The following SKIC3 variants were observed in gnomAD, a reference collection of about 807,000 sequenced individuals.
The protein encoded by SKIC3 is SKI3 subunit of superkiller complex.
chr5:95,495,082 G>T, the SKIC3 span: 1 of 1,508,322 alleles, frequency 6.6e-7, no homozygotes, highest in Non-Finnish European at 9.2e-7. Flanking sequence ...AAAAAATTAA[G>T]ATTGATAAGA....
chr5:95,526,260 T>C, the SKIC3 span, among the ~76,000 whole-genome samples: 3 of 152,116 alleles, frequency 2.0e-5, no homozygotes, highest in African/African-American at 4.8e-5. Context: ...CTTTTTTTTT[T>C]CTTCCTTACA....
At chr5:95,495,448 A>G in the SKIC3 span, 2 of 165,894 alleles carry the variant, frequency 1.2e-5, no homozygotes, top group African/African-American at 4.8e-5. Context: ...TTGCTTCAAT[A>G]ATCAACTCAA....
chr5:95,473,726 G>C, the SKIC3 span, among the ~76,000 whole-genome samples: 1 of 152,246 alleles, frequency 6.6e-6, no homozygotes, highest in South Asian at 2.1e-4. Flanking sequence ...TTTGAGAAGT[G>C]TTTGTTAATG....
At chr5:95,534,701 C>T in the SKIC3 span, among the ~76,000 whole-genome samples, 3 of 152,060 alleles carry the variant, frequency 2.0e-5, no homozygotes, top group Non-Finnish European at 4.4e-5. Context: ...CCTTCACTTA[C>T]TCCCTTTCTC....
the SKIC3 span, among the ~76,000 whole-genome samples, chr5:95,504,305 C>T: frequency 6.7e-6 from 1 of 149,738 alleles, no homozygotes; most frequent in African/African-American, 2.5e-5. Context: ...CACTGCACTC[C>T]AGCCTGGGCA....
the SKIC3 span, chr5:95,520,890 GTTA>G: frequency 1.8e-6 from 2 of 1,088,656 alleles, no homozygotes; most frequent in South Asian, 2.6e-5. Flanking sequence ...TTCAAATAAA[GTTA>G]TTGGTGTTAT....
the SKIC3 span, chr5:95,498,585 G>C: frequency 6.2e-7 from 1 of 1,611,172 alleles, no homozygotes; most frequent in Non-Finnish European, 8.5e-7. Flanking sequence ...GTTCCTTTAA[G>C]ATAGAGCTGT....
At chr5:95,516,634 A>C in the SKIC3 span, 1 of 1,613,258 alleles carries the variant, frequency 6.2e-7, no homozygotes. Context: ...TGAAATACAC[A>C]ATCTTCTAAA....
the SKIC3 span, among the ~76,000 whole-genome samples, chr5:95,543,822 T>G: frequency 6.6e-6 from 1 of 152,178 alleles, no homozygotes; most frequent in African/African-American, 2.4e-5. Flanking sequence ...CCAAATATGT[T>G]CAAAATAAAT....
chr5:95,545,905 A>C, the SKIC3 span, among the ~76,000 whole-genome samples: 1 of 152,142 alleles, frequency 6.6e-6, no homozygotes, highest in Admixed American at 6.5e-5. Flanking sequence ...TCACCCATCC[A>C]AAATCTGAAT....
At chr5:95,535,557 G>T in the SKIC3 span, among the ~76,000 whole-genome samples, 1 of 151,736 alleles carries the variant, frequency 6.6e-6, no homozygotes, top group Admixed American at 6.6e-5. Context: ...TGATCCGCCT[G>T]CCTCGGCCTC....
the SKIC3 span, chr5:95,503,996 C>G: frequency 6.4e-7 from 1 of 1,569,932 alleles, no homozygotes; most frequent in Non-Finnish European, 8.7e-7. Context: ...TGTGTATCAT[C>G]AAAATACTGA....
the SKIC3 span, among the ~76,000 whole-genome samples, chr5:95,499,666 ACT>A: frequency 2.6e-5 from 4 of 152,078 alleles, no homozygotes; most frequent in African/African-American, 9.7e-5. Context: ...AATAAAAAAA[ACT>A]CTTCAATTAA....
chr5:95,468,580 C>T, the SKIC3 span, among the ~76,000 whole-genome samples: 1 of 152,080 alleles, frequency 6.6e-6, no homozygotes, highest in Admixed American at 6.6e-5. Context: ...TCTATGACTC[C>T]AAAACTTCTG....
the SKIC3 span, among the ~76,000 whole-genome samples, chr5:95,552,642 G>A: frequency 4.6e-3 from 701 of 152,196 alleles, 3 homozygotes; most frequent in Non-Finnish European, 7.8e-3. Context: ...TCCAAAGAGG[G>A]CTTTCGGAAC....
At chr5:95,540,301 T>C in the SKIC3 span, among the ~76,000 whole-genome samples, 1 of 152,064 alleles carries the variant, frequency 6.6e-6, no homozygotes, top group Non-Finnish European at 1.5e-5. Flanking sequence ...ACAATGGACT[T>C]CGGGGACTTG....
chr5:95,497,506 A>T, the SKIC3 span: 1 of 1,608,702 alleles, frequency 6.2e-7, no homozygotes, highest in Non-Finnish European at 8.5e-7. Flanking sequence ...AATCAAAAGT[A>T]GCAGGCTTAG....
At chr5:95,476,756 G>A in the SKIC3 span, among the ~76,000 whole-genome samples, 2 of 152,094 alleles carry the variant, frequency 1.3e-5, no homozygotes, top group East Asian at 1.9e-4. Flanking sequence ...AAAATACTTC[G>A]GTGGTATAGT....
the SKIC3 span, chr5:95,541,952 G>A: frequency 1.6e-6 from 2 of 1,250,520 alleles, no homozygotes; most frequent in Non-Finnish European, 2.3e-6. Context: ...TAAAACATTT[G>A]CTGTTCTCAC....
Sources: allele counts gnomAD v4.1 joint callset (sites outside exome capture counted in the v4.1 genomes callset), GRCh38; gene constraint gnomAD v4.1.1; transcripts MANE v1.5; gene names NCBI Gene and HGNC (gene_info 2026-07-23, HGNC 2026-07-21).